RTF2: variants seen among roughly 807,000 people sequenced by gnomAD.
RTF2 encodes UPF0549 protein C20orf43.
Under a neutral mutation model 38.0 loss-of-function variants are expected in RTF2, and 18 were observed. The observed-to-expected ratio is 0.47, with a 90% CI of 0.33 to 0.70. RTF2 has a LOEUF of 0.70. RTF2 is among the 30% of genes least tolerant of loss of function. The probability of loss-of-function intolerance (pLI) is 0.02; values close to 1 mark genes in which losing one functional copy is unlikely to be tolerated. For missense variants in RTF2, 311 were observed against 379.6 expected (o/e 0.82, Z 1.50); for synonymous variants, 126 against 137.1 (o/e 0.92, Z 0.57).
At chr20:56,505,487 C>CGTAATAATAATA (rs1555812433) in intron 5 of RTF2, among the ~76,000 whole-genome samples, 2 of 139,652 alleles carry the variant, frequency 1.4e-5, no homozygotes, top group African/African-American at 5.4e-5. Context: ...GATGCCATCT[C>CGTAATAATAATA]ATAATAATAA....
chr20:56,507,399 G>C (rs6024916), intron 5 of RTF2, among the ~76,000 whole-genome samples: 17 of 152,270 alleles, frequency 1.1e-4, no homozygotes, highest in South Asian at 4.1e-4. Context: ...TTCCTACCAA[G>C]GTTCAAGCCA....
intron 5 of RTF2, among the ~76,000 whole-genome samples, chr20:56,502,005 T>G (rs566441588): frequency 1.1e-4 from 16 of 152,214 alleles, no homozygotes; most frequent in Non-Finnish European, 2.1e-4. Flanking sequence ...ATCTGCAGCC[T>G]TTGAAAGGTA....
chr20:56,497,282 G>A, intron 5 of RTF2: 1 of 1,551,330 alleles, frequency 6.4e-7, no homozygotes, highest in Non-Finnish European at 8.7e-7. Context: ...ATGCCAAAGA[G>A]AAATCGCCCT....
At chr20:56,493,222 G>T (rs1162407535) in intron 5 of RTF2, among the ~76,000 whole-genome samples, 2 of 152,076 alleles carry the variant, frequency 1.3e-5, no homozygotes. Context: ...AGGGGCAGGG[G>T]GATGTATGCA....
intron 5 of RTF2, chr20:56,491,512 C>CA (rs1236011981): frequency 8.3e-7 from 1 of 1,205,832 alleles, no homozygotes; most frequent in East Asian, 2.6e-5. Context: ...TCTCTTGTTT[C>CA]AAGTCAAGGA....
At chr20:56,470,342 G>A (rs1032571881) in intron 1 of RTF2, among the ~76,000 whole-genome samples, 11 of 152,296 alleles carry the variant, frequency 7.2e-5, no homozygotes, top group African/African-American at 2.6e-4. Flanking sequence ...AAAGAAGGAA[G>A]AGCGATTCAA....
At chr20:56,513,252 C>G (rs1984805220) in intron 5 of RTF2, 63 bp from the exon 6 acceptor site, 2 of 1,544,322 alleles carry the variant, frequency 1.3e-6, no homozygotes, top group South Asian at 1.2e-5. Flanking sequence ...GAGTGGGGGA[C>G]TGAAGCGTGG....
At chr20:56,496,328 A>C (rs1983528823) in intron 5 of RTF2, among the ~76,000 whole-genome samples, 1 of 152,182 alleles carries the variant, frequency 6.6e-6, no homozygotes, top group Non-Finnish European at 1.5e-5. Flanking sequence ...CAGGCGGATC[A>C]CCTGAGATCG....
At chr20:56,515,692 A>ACACACG (rs1491011991) in intron 6 of RTF2, 1 of 151,756 alleles carries the variant, frequency 6.6e-6, no homozygotes, top group African/African-American at 2.4e-5. Flanking sequence ...ACACACACAC[A>ACACACG]CGGAAAAAAT....
At position 56,518,508 on chromosome 20, in the gene RTF2, G is replaced by T. The variant is rs1985201178; in HGVS notation, c.*243G>T. The T allele has an allele frequency of 5.1e-6, 2 of 393,706 alleles. No homozygotes were observed. Among genetic ancestry groups the T allele is most frequent in the South Asian group, 1.6e-4 (2 of 12,888 alleles). The allele number at this position is 393,706 out of a possible 1,614,324, so 24.4% of individuals were successfully genotyped here. A position where few individuals can be genotyped will look rare whatever the true frequency, so the allele number is the denominator to read the frequency against. On this transcript the variant is annotated 3_prime_UTR_variant, in exon 9 of 9. Coordinates refer to ENST00000357348, the MANE Select transcript of RTF2 (RefSeq NM_016407.5). ...CTTGCTTCCACCTGCAGGTGCATTT[G>T]GTCCTTTCCATGGCCAGGAAGCCCT...
chr20:56,481,153 A>G (rs763713862), intron 4 of RTF2, among the ~76,000 whole-genome samples: 3 of 152,206 alleles, frequency 2.0e-5, no homozygotes, highest in Non-Finnish European at 4.4e-5. Flanking sequence ...AACACACAAC[A>G]TACTGAAAGG....
At chr20:56,501,123 A>G (rs1304089385) in intron 5 of RTF2, among the ~76,000 whole-genome samples, 3 of 152,190 alleles carry the variant, frequency 2.0e-5, no homozygotes. Flanking sequence ...TGGAGATCTC[A>G]CTGCTGTTGC....
chr20:56,513,222 G>A, intron 5 of RTF2, 93 bp from the exon 6 acceptor site: 1 of 1,488,532 alleles, frequency 6.7e-7, no homozygotes, highest in Non-Finnish European at 9.0e-7. Context: ...CGGAGCCTGG[G>A]GGCCACTGCT....
chr20:56,474,937 C>T (rs113767789), intron 3 of RTF2, among the ~76,000 whole-genome samples, 166 bp downstream of exon 3: 6 of 152,308 alleles, frequency 3.9e-5, no homozygotes, highest in South Asian at 2.1e-4. Flanking sequence ...TCTCAAGCCA[C>T]GAGTTCCACC....
At chr20:56,509,611 C>CAAA (rs567362731) in intron 5 of RTF2, among the ~76,000 whole-genome samples, 5 of 106,030 alleles carry the variant, frequency 4.7e-5, no homozygotes, top group African/African-American at 7.2e-5. Context: ...GATCCCATCT[C>CAAA]AAAAAAAAAA....
At chr20:56,482,502 T>C (rs1600800924) in intron 4 of RTF2, among the ~76,000 whole-genome samples, 1 of 152,214 alleles carries the variant, frequency 6.6e-6, no homozygotes, top group Admixed American at 6.5e-5. Context: ...ATATAGAGGA[T>C]ATAGAGGGCC....
intron 5 of RTF2, among the ~76,000 whole-genome samples, chr20:56,504,456 C>G (rs1234345069): frequency 6.6e-6 from 1 of 152,204 alleles, no homozygotes; most frequent in Non-Finnish European, 1.5e-5. Flanking sequence ...GACCCTCTCT[C>G]ATTAAGGAGA....
chr20:56,488,213 T>A (rs1486586931), intron 5 of RTF2, among the ~76,000 whole-genome samples: 2 of 152,006 alleles, frequency 1.3e-5, no homozygotes, highest in Non-Finnish European at 2.9e-5. Context: ...ATACAAAAAT[T>A]AGCTGGGCTT....
At chr20:56,478,911 A>T (rs924112673) in intron 4 of RTF2, among the ~76,000 whole-genome samples, 1 of 152,220 alleles carries the variant, frequency 6.6e-6, no homozygotes, top group Non-Finnish European at 1.5e-5. Context: ...TAATATTTCA[A>T]ATCTATCATA....
Sources: gnomAD v4.1 joint callset for allele counts (sites outside exome capture counted in the v4.1 genomes callset) on GRCh38, gnomAD v4.1.1 for gene constraint, MANE v1.5 for transcripts, NCBI Gene and HGNC (gene_info 2026-07-23, HGNC 2026-07-21) for gene names.